Variants in PARVA observed in about 807,000 individuals in gnomAD.
PARVA encodes parvin alpha, also known as alpha-parvin.
PARVA carries 25 observed loss-of-function variants against 52.6 expected under a neutral mutation model. That is an observed-to-expected ratio of 0.48 (90% CI 0.35 to 0.66). The LOEUF is 0.66. Among genes scored for constraint, PARVA ranks in the 30% least tolerant of loss-of-function variants. The probability of loss-of-function intolerance (pLI) is 0.01; values close to 1 mark genes in which losing one functional copy is unlikely to be tolerated. For missense variants in PARVA, 373 were observed against 450.9 expected, an observed-to-expected ratio of 0.83 and a Z score of 1.56; for synonymous variants, 185 against 179.1, an observed-to-expected ratio of 1.03 and a Z score of -0.26.
chr11:12,526,031 A>G (rs10831842), intron 12 of PARVA, among the ~76,000 whole-genome samples: 40,785 of 152,038 alleles, frequency 0.27, 6,557 homozygotes, highest in East Asian at 0.41. Context: ...GGCTAAATAC[A>G]GAGTGATATA....
At chr11:12,527,304 G>A (rs1012014847) in intron 12 of PARVA, among the ~76,000 whole-genome samples, 5 of 151,898 alleles carry the variant, frequency 3.3e-5, no homozygotes, top group Non-Finnish European at 7.4e-5. Flanking sequence ...GAGGAAAGGA[G>A]GGAGGGAGGG....
chr11:12,462,904 T>G (rs929501103), intron 1 of PARVA, among the ~76,000 whole-genome samples: 4 of 152,202 alleles, frequency 2.6e-5, no homozygotes, highest in Non-Finnish European at 5.9e-5. Context: ...TAGTCATCTT[T>G]GGGCTTTGCC....
rs555703696 is a variant in PARVA, at chr11:12,532,721, C to A, written c.*4796C>A. 6.6e-6 allele frequency among the ~76,000 whole-genome samples: 1 copy of A among 152,300 alleles called. No homozygotes were observed. Among genetic ancestry groups the A allele is most frequent in the African/African-American group, 2.4e-5 (1 of 41,570 alleles). ...TTAAAGTAATCCCTCAGTCGTGGAGCTACTCCAATGAGAAGCCTGCCACTC... is the reference window on the plus strand; with the variant it reads ...TTAAAGTAATCCCTCAGTCGTGGAGATACTCCAATGAGAAGCCTGCCACTC... On this transcript the variant is annotated 3_prime_UTR_variant, in exon 13 of 13. Coordinates refer to ENST00000334956, the MANE Select transcript of PARVA (RefSeq NM_018222.5).
At chr11:12,494,034 A>G (rs2135057511) in intron 4 of PARVA, among the ~76,000 whole-genome samples, 1 of 152,362 alleles carries the variant, frequency 6.6e-6, no homozygotes, top group South Asian at 2.1e-4. Flanking sequence ...ATCATTTGCT[A>G]GAATGGCACA....
At chr11:12,514,098 G>A (rs1001788176) in intron 10 of PARVA, 33 bp downstream of exon 10, 1 of 1,567,404 alleles carries the variant, frequency 6.4e-7, no homozygotes, top group Non-Finnish European at 8.8e-7. Flanking sequence ...GGTAGAGGCA[G>A]GGCCCTGCCC....
intron 1 of PARVA, among the ~76,000 whole-genome samples, chr11:12,401,893 T>G (rs998705815): frequency 6.6e-6 from 1 of 152,220 alleles, no homozygotes; most frequent in African/African-American, 2.4e-5. Context: ...TTGTGTCAAA[T>G]CTAGACTTTG....
intron 8 of PARVA, 128 bp downstream of exon 8, chr11:12,511,661 A>G (rs1006839451): frequency 3.1e-5 from 30 of 961,726 alleles, no homozygotes; most frequent in Middle Eastern, 2.9e-4. Flanking sequence ...CCTGGGTGAC[A>G]TGGCCAATTG....
intron 1 of PARVA, among the ~76,000 whole-genome samples, chr11:12,435,829 G>GT (rs1321402928): frequency 2.6e-5 from 4 of 151,956 alleles, no homozygotes. Context: ...GCTTTGTTTT[G>GT]TTTTTTGAGA....
At chr11:12,458,140 C>G (rs1016112480) in intron 1 of PARVA, among the ~76,000 whole-genome samples, 4 of 152,238 alleles carry the variant, frequency 2.6e-5, no homozygotes, top group Non-Finnish European at 5.9e-5. Context: ...CACTGGCTTT[C>G]CCCAGTGCTG....
intron 1 of PARVA, among the ~76,000 whole-genome samples, chr11:12,457,419 T>C (rs1940712248): frequency 2.0e-5 from 3 of 152,238 alleles, no homozygotes; most frequent in Non-Finnish European, 4.4e-5. Context: ...TAGTCATTCA[T>C]GCTAAAGAGG....
At chr11:12,513,468 C>A in intron 9 of PARVA, 108 bp downstream of exon 9, 1 of 944,532 alleles carries the variant, frequency 1.1e-6, no homozygotes, top group Non-Finnish European at 1.8e-6. Flanking sequence ...GGTGGCATCA[C>A]CTAACCTCTG....
chr11:12,436,456 A>G (rs888782751), intron 1 of PARVA, among the ~76,000 whole-genome samples: 2 of 152,134 alleles, frequency 1.3e-5, no homozygotes, highest in African/African-American at 4.8e-5. Flanking sequence ...AGTCCTGGAG[A>G]TGGAGAGAGA....
intron 12 of PARVA, among the ~76,000 whole-genome samples, chr11:12,521,482 T>A (rs1032715216): frequency 6.6e-6 from 1 of 152,232 alleles, no homozygotes; most frequent in Non-Finnish European, 1.5e-5. Context: ...TTTGTTCTCA[T>A]CTAACATAGT....
intron 4 of PARVA, among the ~76,000 whole-genome samples, chr11:12,489,046 T>C (rs187125225): frequency 2.0e-5 from 3 of 152,054 alleles, no homozygotes; most frequent in Admixed American, 2.0e-4. Context: ...AGCTATAGAC[T>C]GGGTATGGTG....
At chr11:12,381,719 A>G (rs1015186583) in intron 1 of PARVA, among the ~76,000 whole-genome samples, 2 of 152,242 alleles carry the variant, frequency 1.3e-5, no homozygotes, top group Non-Finnish European at 2.9e-5. Context: ...AGAAAATGTT[A>G]TAAAGAAAAT....
At chr11:12,451,868 G>A (rs570012343) in intron 1 of PARVA, among the ~76,000 whole-genome samples, 2 of 152,184 alleles carry the variant, frequency 1.3e-5, no homozygotes, top group East Asian at 3.9e-4. Context: ...AGAATATCGC[G>A]CTTCTTAGCT....
At chr11:12,522,595 T>C (rs941073545) in intron 12 of PARVA, among the ~76,000 whole-genome samples, 6 of 151,952 alleles carry the variant, frequency 3.9e-5, no homozygotes, top group African/African-American at 1.5e-4. Context: ...ATTTTTGTAT[T>C]TTTAGTAGAG....
chr11:12,434,698 A>G (rs1255640791), intron 1 of PARVA, among the ~76,000 whole-genome samples: 1 of 152,034 alleles, frequency 6.6e-6, no homozygotes, highest in East Asian at 1.9e-4. Context: ...CTATCCTTCC[A>G]GACCCTCCCA....
chr11:12,516,440 C>T (rs927567859), intron 10 of PARVA, among the ~76,000 whole-genome samples: 4 of 152,236 alleles, frequency 2.6e-5, no homozygotes, highest in South Asian at 4.1e-4. Context: ...TCATCCCCGG[C>T]CTCCACAAGC....
Sources: allele counts gnomAD v4.1 joint callset (sites outside exome capture counted in the v4.1 genomes callset), GRCh38; gene constraint gnomAD v4.1.1; transcripts MANE v1.5; gene names NCBI Gene and HGNC (gene_info 2026-07-23, HGNC 2026-07-21).